Variants in RBFOX1 observed in about 807,000 individuals in gnomAD.
RBFOX1 encodes the protein RNA binding protein fox-1 homolog 1.
RBFOX1 carries 8 observed loss-of-function variants against 57.7 expected under a neutral mutation model. The observed-to-expected ratio is 0.14, with a 90% CI of 0.08 to 0.25. RBFOX1 has a LOEUF of 0.25. RBFOX1 is among the 10% of genes least tolerant of loss of function. The probability of loss-of-function intolerance (pLI) is 1.00; values close to 1 mark genes in which losing one functional copy is unlikely to be tolerated. For synonymous variants in RBFOX1, 326 were observed against 222.4 expected, an observed-to-expected ratio of 1.47 and a Z score of -4.15; for missense variants, 611 against 548.5, an observed-to-expected ratio of 1.11 and a Z score of -1.14.
chr16:7,464,500 A>T (rs1032523994), intron 4 of RBFOX1, among the ~76,000 whole-genome samples: 1 of 152,012 alleles, frequency 6.6e-6, no homozygotes, highest in African/African-American at 2.4e-5. Flanking sequence ...GGGGTTGCCA[A>T]GGCCTATTGG....
intron 3 of RBFOX1, among the ~76,000 whole-genome samples, chr16:5,745,384 A>G (rs1597075007): frequency 6.6e-6 from 1 of 152,198 alleles, no homozygotes; most frequent in Non-Finnish European, 1.5e-5. Flanking sequence ...ACTATTGTGA[A>G]TAGTGCCGCA....
intron 3 of RBFOX1, among the ~76,000 whole-genome samples, chr16:6,871,046 C>T (rs375306114): frequency 1.3e-4 from 20 of 152,240 alleles, no homozygotes; most frequent in African/African-American, 4.6e-4. Flanking sequence ...GTCATAAATG[C>T]GTATAAAGTA....
At chr16:5,639,844 C>A (rs1164326939) in intron 3 of RBFOX1, among the ~76,000 whole-genome samples, 3 of 152,210 alleles carry the variant, frequency 2.0e-5, no homozygotes, top group African/African-American at 7.2e-5. Flanking sequence ...TGAGTTTCTT[C>A]ATCTTGTGCC....
chr16:5,956,678 A>ATATTTATATATATATATATATATTTT (rs368096576), intron 4 of RBFOX1, among the ~76,000 whole-genome samples: 1 of 116,504 alleles, frequency 8.6e-6, no homozygotes, highest in African/African-American at 3.5e-5. Flanking sequence ...ATATATATAT[A>ATATTTATATATATATATATATATTTT]TTTTTTTTGA....
chr16:5,707,682 C>T (rs1393798317), intron 3 of RBFOX1, among the ~76,000 whole-genome samples: 5 of 152,178 alleles, frequency 3.3e-5, no homozygotes, highest in Non-Finnish European at 7.3e-5. Flanking sequence ...GTTTGGAAAC[C>T]TTAACTTCTA....
chr16:5,967,418 C>T (rs1190230435), intron 4 of RBFOX1, among the ~76,000 whole-genome samples: 1 of 152,086 alleles, frequency 6.6e-6, no homozygotes, highest in Non-Finnish European at 1.5e-5. Context: ...CATTTCTTAA[C>T]CCGGTATTGG....
rs547673829 is a variant in RBFOX1 at position 6,871,711 on chromosome 16, C to A, written c.-15-180346C>A. 1.3e-4 allele frequency among the ~76,000 whole-genome samples: 20 copies of A among 152,190 alleles called. No individual in the cohort carries two copies. The South Asian group carries it at 4.2e-3, about 32-fold the overall frequency. ...TCCCCATTAATCTATTCTCCATATA[C>A]CAGAAAGAGTGATTTTCTGTTACAT... is the stretch of plus-strand genomic sequence containing the variant. On this transcript the variant is annotated intron_variant, in intron 3 of 15. Coordinates refer to ENST00000550418, the MANE Select transcript of RBFOX1 (RefSeq NM_018723.4).
chr16:7,332,586 T>C (rs2096712427), intron 4 of RBFOX1, among the ~76,000 whole-genome samples: 2 of 152,172 alleles, frequency 1.3e-5, no homozygotes, highest in South Asian at 4.1e-4. Context: ...ACCCCATCCC[T>C]TGCTCTTTTG....
chr16:6,340,290 C>T (rs1304398038), intron 2 of RBFOX1, among the ~76,000 whole-genome samples: 1 of 152,094 alleles, frequency 6.6e-6, no homozygotes, highest in Non-Finnish European at 1.5e-5. Context: ...AGGCCTAGCT[C>T]ACTCATGACC....
intron 3 of RBFOX1, among the ~76,000 whole-genome samples, chr16:5,725,548 C>T (rs1239858318): frequency 2.0e-5 from 3 of 151,816 alleles, no homozygotes; most frequent in African/African-American, 7.3e-5. Context: ...CTGGTGTGAG[C>T]CACTGCACCC....
At chr16:7,122,598 G>A (rs923969597) in intron 4 of RBFOX1, among the ~76,000 whole-genome samples, 3 of 152,136 alleles carry the variant, frequency 2.0e-5, no homozygotes, top group African/African-American at 7.2e-5. Context: ...CAGAGAAACT[G>A]GATTTCTCCT....
rs1451623340 is a variant in RBFOX1 at position 7,403,683 on chromosome 16, A to ATG, written c.28-114463_28-114462insGT. 2.7e-5 allele frequency among the ~76,000 whole-genome samples: 4 copies of ATG among 149,366 alleles called. No individual in the cohort carries two copies. The East Asian group carries it at 8.3e-4, about 31-fold the overall frequency. On this transcript the variant is annotated intron_variant, in intron 4 of 15. Coordinates refer to ENST00000550418, the MANE Select transcript of RBFOX1 (RefSeq NM_018723.4). ...TGCCTCAGCCTCCTGAATAGCTGGG[A>ATG]TTACAGGCACCTGCCACTACTCCAT...
intron 14 of RBFOX1, among the ~76,000 whole-genome samples, chr16:7,682,560 A>G (rs1255137050): frequency 6.8e-6 from 1 of 146,174 alleles, no homozygotes. Flanking sequence ...TTTTTTTTTT[A>G]ATCTTTTATT....
At chr16:7,393,152 G>T (rs1267294177) in intron 4 of RBFOX1, among the ~76,000 whole-genome samples, 1 of 152,142 alleles carries the variant, frequency 6.6e-6, no homozygotes, top group Admixed American at 6.5e-5. Flanking sequence ...GGGATTACAG[G>T]TGTGAGCCAC....
chr16:5,424,926 T>C lies in RBFOX1; in HGVS notation c.220-42290T>C, dbSNP rs1378318613. ...TTCTTTCTTTCTTTCTTTCTTTCTT[T>C]CTTTCTTTCTCTCTCTTCTTTCTTC... On this transcript the variant is annotated intron_variant, in intron 1 of 2. Transcript: ENST00000585867. Among the ~76,000 whole-genome samples the C allele has an allele frequency of 9.4e-3, 1,170 of 124,712 alleles. 43 individuals carry two copies. Among genetic ancestry groups the C allele is most frequent in the African/African-American group, 0.026 (784 of 30,096 alleles). The allele number at this position is 124,712 out of a possible 152,430, so 81.8% of individuals were successfully genotyped here.
intron 1 of RBFOX1, among the ~76,000 whole-genome samples, chr16:6,105,198 T>G (rs1297266721): frequency 1.3e-5 from 2 of 152,204 alleles, no homozygotes; most frequent in African/African-American, 4.8e-5. Context: ...ACCCTCCATT[T>G]TTAAGTTACT....
At chr16:7,039,273 T>G (rs1216232926) in intron 3 of RBFOX1, among the ~76,000 whole-genome samples, 1 of 152,216 alleles carries the variant, frequency 6.6e-6, no homozygotes, top group Non-Finnish European at 1.5e-5. Context: ...TACTTAGTAC[T>G]TAGCCTTGAC....
chr16:5,697,219 A>G (rs2050871619), intron 3 of RBFOX1, among the ~76,000 whole-genome samples: 2 of 152,136 alleles, frequency 1.3e-5, no homozygotes, highest in Admixed American at 1.3e-4. Flanking sequence ...CTTTGGTTGT[A>G]GATCTTCTTA....
At chr16:6,759,855 A>G (rs563199665) in intron 3 of RBFOX1, among the ~76,000 whole-genome samples, 1 of 152,194 alleles carries the variant, frequency 6.6e-6, no homozygotes, top group Admixed American at 6.5e-5. Flanking sequence ...AAATTACCCA[A>G]ATGGCCTATA....
Sources: allele counts gnomAD v4.1 joint callset (sites outside exome capture counted in the v4.1 genomes callset), GRCh38; gene constraint gnomAD v4.1.1; transcripts MANE v1.5; gene names NCBI Gene and HGNC (gene_info 2026-07-23, HGNC 2026-07-21).